Variants in NCKAP5 observed in about 807,000 individuals in gnomAD.
The protein encoded by NCKAP5 is NCK associated protein 5.
In NCKAP5, 92 loss-of-function variants were observed where a neutral mutation model predicts 167.0. The observed-to-expected ratio is 0.55, with a 90% CI of 0.47 to 0.66. The LOEUF is 0.66. Ranked by LOEUF, NCKAP5 falls within the 30% of genes least tolerant of loss-of-function variation. The pLI, the probability that NCKAP5 is intolerant of heterozygous loss-of-function variation, is 0.00. For synonymous variants in NCKAP5, 891 were observed against 877.4 expected (o/e 1.02, Z -0.27); for missense variants, 2,378 against 2,315.0 (o/e 1.03, Z -0.56).
At chr2:133,077,026 G>T (rs1172769585) in intron 6 of NCKAP5, among the ~76,000 whole-genome samples, 1 of 152,074 alleles carries the variant, frequency 6.6e-6, no homozygotes, top group South Asian at 2.1e-4. Flanking sequence ...TAGTCTAGTT[G>T]TTTAAACCAC....
chr2:132,899,783 G>A (rs758225235), intron 8 of NCKAP5, among the ~76,000 whole-genome samples: 9 of 152,210 alleles, frequency 5.9e-5, no homozygotes, highest in Non-Finnish European at 1.0e-4. Flanking sequence ...CCTGAGGCAT[G>A]AGAATCGCTT....
At chr2:132,821,291 G>A (rs896973895) in intron 11 of NCKAP5, among the ~76,000 whole-genome samples, 1 of 152,158 alleles carries the variant, frequency 6.6e-6, no homozygotes, top group African/African-American at 2.4e-5. Context: ...ACGGGAGAAG[G>A]ATTTAACCTT....
chr2:133,574,937 G>A, the NCKAP5 span, among the ~76,000 whole-genome samples: 1 of 152,222 alleles, frequency 6.6e-6, no homozygotes, highest in Non-Finnish European at 1.5e-5. Context: ...GAGCAAGGCT[G>A]AGATGCAGCT....
intron 12 of NCKAP5, among the ~76,000 whole-genome samples, chr2:132,795,905 C>T (rs1317498912): frequency 1.1e-5 from 1 of 87,128 alleles, no homozygotes; most frequent in East Asian, 7.9e-4. Context: ...AAACTCCATA[C>T]TTAAAAAAAA....
At chr2:133,244,046 T>C (rs2087857096) in intron 4 of NCKAP5, among the ~76,000 whole-genome samples, 1 of 152,232 alleles carries the variant, frequency 6.6e-6, no homozygotes, top group South Asian at 2.1e-4. Flanking sequence ...TCTGACTGTT[T>C]TTCTGCATGG....
chr2:133,309,086 A>AT (rs1236492151), intron 3 of NCKAP5, among the ~76,000 whole-genome samples: 2 of 152,158 alleles, frequency 1.3e-5, no homozygotes, highest in Non-Finnish European at 2.9e-5. Context: ...TGAAAGAAGG[A>AT]TAAAAAAACT....
chr2:133,317,113 C>T (rs1341268480), intron 3 of NCKAP5, among the ~76,000 whole-genome samples: 1 of 152,204 alleles, frequency 6.6e-6, no homozygotes, highest in African/African-American at 2.4e-5. Context: ...GTATTTTGCA[C>T]ATGCCCTCAC....
chr2:132,702,903 G>A (rs1343617815), intron 19 of NCKAP5, among the ~76,000 whole-genome samples: 1 of 152,218 alleles, frequency 6.6e-6, no homozygotes, highest in South Asian at 2.1e-4. Flanking sequence ...TATTGGCTGG[G>A]CACAGTGACT....
chr2:133,308,271 G>A (rs1048002171), intron 3 of NCKAP5, among the ~76,000 whole-genome samples: 8 of 151,522 alleles, frequency 5.3e-5, no homozygotes, highest in Non-Finnish European at 7.4e-5. Flanking sequence ...TGTATTTTTA[G>A]TAGAGACGGG....
chr2:132,697,179 G>C lies in NCKAP5; in HGVS notation c.5714-23874C>G, dbSNP rs1197804699. On this transcript the variant is annotated intron_variant, in intron 19 of 19. Coordinates refer to ENST00000409261, the MANE Select transcript of NCKAP5 (RefSeq NM_207363.3). ...CTGGGATTACAGGCATGGGCACTGC[G>C]CCGGCCGACATCCTTATGCTTCTAA... 8.5e-5 allele frequency among the ~76,000 whole-genome samples: 13 copies of C among 152,358 alleles called. No individual in the cohort carries two copies. In the East Asian group the frequency reaches 1.7e-3, roughly 20 times the overall value.
At chr2:133,354,809 G>C (rs1684599697) in intron 3 of NCKAP5, among the ~76,000 whole-genome samples, 1 of 152,088 alleles carries the variant, frequency 6.6e-6, no homozygotes, top group African/African-American at 2.4e-5. Context: ...TTGGTCAATA[G>C]AGCGCCAAAT....
chr2:133,650,615 C>T, the NCKAP5 span, among the ~76,000 whole-genome samples: 1 of 152,162 alleles, frequency 6.6e-6, no homozygotes, highest in Admixed American at 6.5e-5. Context: ...TGGCTCATGC[C>T]TGTAATCCCA....
chr2:132,969,679 G>A (rs1227198594), intron 7 of NCKAP5, among the ~76,000 whole-genome samples: 2 of 152,152 alleles, frequency 1.3e-5, no homozygotes, highest in African/African-American at 4.8e-5. Context: ...CTTGCAGCTG[G>A]AAGTCGCAGG....
chr2:133,353,365 C>G (rs1037187546), intron 3 of NCKAP5, among the ~76,000 whole-genome samples: 1 of 152,178 alleles, frequency 6.6e-6, no homozygotes, highest in Non-Finnish European at 1.5e-5. Context: ...ATATCTATCT[C>G]TACCCTGGAC....
At chr2:132,967,071 A>C (rs1399335598) in intron 7 of NCKAP5, among the ~76,000 whole-genome samples, 1 of 152,058 alleles carries the variant, frequency 6.6e-6, no homozygotes, top group Non-Finnish European at 1.5e-5. Flanking sequence ...AAGTGACACA[A>C]GTATGGATTT....
intron 6 of NCKAP5, among the ~76,000 whole-genome samples, chr2:133,094,484 T>C (rs562291621): frequency 6.6e-6 from 1 of 152,204 alleles, no homozygotes; most frequent in South Asian, 2.1e-4. Flanking sequence ...CAACTCCTTA[T>C]TACAAATTTA....
At chr2:133,338,471 G>T (rs1683359060) in intron 3 of NCKAP5, among the ~76,000 whole-genome samples, 1 of 152,198 alleles carries the variant, frequency 6.6e-6, no homozygotes, top group Non-Finnish European at 1.5e-5. Flanking sequence ...CATTCTGAAA[G>T]ATTAAATCCT....
chr2:133,628,945 T>C, the NCKAP5 span, among the ~76,000 whole-genome samples: 11 of 152,180 alleles, frequency 7.2e-5, no homozygotes, highest in Non-Finnish European at 1.3e-4. Context: ...TTCGGAAGAT[T>C]GAAACTGGAC....
At position 132,812,152 on chromosome 2, in the gene NCKAP5, T is replaced by C. The variant is rs568851554; in HGVS notation, c.808-15423A>G. Reference sequence around the variant, plus strand: ...TCCTGGGTCCTGCAGGAGCGGTCGCTTCCTTTGCAGGGTCTGTGAGTCCTC... The same window carrying C: ...TCCTGGGTCCTGCAGGAGCGGTCGCCTCCTTTGCAGGGTCTGTGAGTCCTC... On this transcript the variant is annotated intron_variant, in intron 11 of 19. Transcript: ENST00000409261. Among the ~76,000 whole-genome samples, 7 of 152,232 alleles carry C rather than the reference T, an allele frequency of 4.6e-5. No individual in the cohort carries two copies. The East Asian group carries it at 1.4e-3, about 30-fold the overall frequency.
Sources: allele counts gnomAD v4.1 joint callset (sites outside exome capture counted in the v4.1 genomes callset), GRCh38; gene constraint gnomAD v4.1.1; transcripts MANE v1.5; gene names NCBI Gene and HGNC (gene_info 2026-07-23, HGNC 2026-07-21).